Variants in RABGAP1L observed in about 807,000 individuals in gnomAD.
The protein encoded by RABGAP1L is RAB GTPase activating protein 1 like.
A neutral mutation model predicts 137.7 loss-of-function variants in RABGAP1L; 63 were observed. The ratio of observed to expected loss-of-function variants is 0.46; its 90% confidence interval spans 0.37 to 0.56. The LOEUF (loss-of-function observed/expected upper bound fraction) is 0.56, where lower values mean the gene tolerates loss of function less well. RABGAP1L is among the 20% of genes least tolerant of loss of function. RABGAP1L has a pLI of 0.00. For synonymous variants in RABGAP1L, 431 were observed against 433.7 expected (o/e 0.99, Z 0.08); for missense variants, 1,095 against 1,244.0 (o/e 0.88, Z 1.80).
At chr1:174,851,458 T>TTTCCCTCTTTCACATTATAGTC (rs71117582) in intron 19 of RABGAP1L, among the ~76,000 whole-genome samples, 24 of 152,148 alleles carry the variant, frequency 1.6e-4, no homozygotes, top group African/African-American at 5.8e-4. Flanking sequence ...TGTCTCAGTC[T>TTTCCCTCTTTCACATTATAGTC]TTAGAAGCAA....
chr1:174,229,846 A>T (rs1425131558), intron 3 of RABGAP1L, among the ~76,000 whole-genome samples: 1 of 152,142 alleles, frequency 6.6e-6, no homozygotes, highest in Non-Finnish European at 1.5e-5. Flanking sequence ...CGCCACACTG[A>T]CTTCCACAAT....
chr1:174,438,041 A>G (rs946371382), intron 13 of RABGAP1L, among the ~76,000 whole-genome samples: 15 of 152,254 alleles, frequency 9.9e-5, no homozygotes, highest in South Asian at 2.1e-4. Context: ...TCACCACCAG[A>G]CCTGCCCTAA....
chr1:174,652,442 C>G (rs1468466192), intron 14 of RABGAP1L, among the ~76,000 whole-genome samples: 1 of 152,182 alleles, frequency 6.6e-6, no homozygotes, highest in Non-Finnish European at 1.5e-5. Context: ...ATGGATTTAT[C>G]TATCTGTGGT....
intron 17 of RABGAP1L, among the ~76,000 whole-genome samples, chr1:174,713,508 C>T (rs1680752401): frequency 6.6e-6 from 1 of 152,116 alleles, no homozygotes; most frequent in African/African-American, 2.4e-5. Flanking sequence ...AGTTCTTATT[C>T]TGAGTTCATG....
chr1:174,509,988 C>A (rs1183874309), intron 13 of RABGAP1L, among the ~76,000 whole-genome samples: 1 of 152,172 alleles, frequency 6.6e-6, no homozygotes, highest in Non-Finnish European at 1.5e-5. Flanking sequence ...AGGAGTATAG[C>A]AGTTGCTCTT....
chr1:174,453,706 A>G (rs1655705445), intron 13 of RABGAP1L, among the ~76,000 whole-genome samples: 1 of 152,210 alleles, frequency 6.6e-6, no homozygotes, highest in Non-Finnish European at 1.5e-5. Flanking sequence ...GTAACCAAAT[A>G]CATAGATATT....
intron 21 of RABGAP1L, among the ~76,000 whole-genome samples, chr1:174,975,624 CA>C (rs1670577477): frequency 6.6e-6 from 1 of 152,204 alleles, no homozygotes; most frequent in African/African-American, 2.4e-5. Flanking sequence ...CTCTCTGAGT[CA>C]ACCCCCATTC....
At chr1:174,336,895 G>A (rs6660480) in intron 11 of RABGAP1L, among the ~76,000 whole-genome samples, 6 of 141,748 alleles carry the variant, frequency 4.2e-5, no homozygotes, top group East Asian at 2.1e-4. Context: ...GAGAGAGAGA[G>A]AGAAAGAGAG....
intron 13 of RABGAP1L, among the ~76,000 whole-genome samples, chr1:174,612,925 C>A (rs367989891): frequency 6.6e-6 from 1 of 151,254 alleles, no homozygotes; most frequent in Admixed American, 6.6e-5. Flanking sequence ...TTTTTTATTG[C>A]GTCTATTTGA....
intron 11 of RABGAP1L, among the ~76,000 whole-genome samples, chr1:174,314,172 T>C (rs1470385689): frequency 6.6e-6 from 1 of 152,190 alleles, no homozygotes; most frequent in East Asian, 1.9e-4. Context: ...TTCTTATTAT[T>C]GCTTCAATCT....
chr1:174,624,473 A>T (rs1191828840), intron 13 of RABGAP1L, among the ~76,000 whole-genome samples: 1 of 152,166 alleles, frequency 6.6e-6, no homozygotes, highest in South Asian at 2.1e-4. Context: ...AGATCCTATT[A>T]CAATGTCTTG....
rs2149402903 is a variant in RABGAP1L, at chr1:174,990,985, A to C, written c.*984A>C. 2.0e-5 allele frequency: 3 copies of C among 152,344 alleles called. 1 individual carries two copies. Among genetic ancestry groups the C allele is most frequent in the Middle Eastern group, 6.8e-3 (2 of 294 alleles). The allele number at this position is 152,344 out of a possible 1,614,324, so 9.4% of individuals were successfully genotyped here. On this transcript the variant is annotated 3_prime_UTR_variant, in exon 26 of 26. Coordinates refer to ENST00000681986, the MANE Select transcript of RABGAP1L (RefSeq NM_001366446.1). ...TAAAGGACATAGTATTGAAATGGGAAATAGAGGTCAGGCTCACATCATCTT... is the reference window on the plus strand; with the variant it reads ...TAAAGGACATAGTATTGAAATGGGACATAGAGGTCAGGCTCACATCATCTT...
chr1:174,826,671 G>A lies in RABGAP1L; in HGVS notation c.2340+14711G>A, dbSNP rs533781112. Reference sequence around the variant, plus strand: ...TCCTCTGCGTGTATACCCAGTAATGGGATTGCTGGTTCAAATAGTAATTCA... The same window carrying A: ...TCCTCTGCGTGTATACCCAGTAATGAGATTGCTGGTTCAAATAGTAATTCA... On this transcript the variant is annotated intron_variant, in intron 19 of 25. Coordinates refer to ENST00000681986, the MANE Select transcript of RABGAP1L (RefSeq NM_001366446.1). Among the ~76,000 whole-genome samples, 12 of 152,234 alleles carry A rather than the reference G, an allele frequency of 7.9e-5. 1 individual carries two copies. The South Asian group carries it at 2.5e-3, about 32-fold the overall frequency.
intron 1 of RABGAP1L, among the ~76,000 whole-genome samples, chr1:174,190,042 C>T (rs897638659): frequency 3.3e-5 from 5 of 152,066 alleles, no homozygotes; most frequent in African/African-American, 1.2e-4. Context: ...CAGTGGCTAA[C>T]GCCTGTAATC....
At chr1:174,214,205 A>C (rs1467925245) in intron 1 of RABGAP1L, among the ~76,000 whole-genome samples, 1 of 152,228 alleles carries the variant, frequency 6.6e-6, no homozygotes, top group Non-Finnish European at 1.5e-5. Context: ...ACAGTGAAAA[A>C]TATGAAATTG....
chr1:174,290,117 C>A (rs1032993375), intron 10 of RABGAP1L, among the ~76,000 whole-genome samples: 1 of 152,140 alleles, frequency 6.6e-6, no homozygotes, highest in Non-Finnish European at 1.5e-5. Flanking sequence ...AACCTAGACA[C>A]CCAGTACTGC....
chr1:174,703,454 G>A (rs564364719), intron 17 of RABGAP1L, among the ~76,000 whole-genome samples: 1 of 152,198 alleles, frequency 6.6e-6, no homozygotes, highest in South Asian at 2.1e-4. Context: ...TACATTGTAT[G>A]TACATACCAC....
intron 13 of RABGAP1L, among the ~76,000 whole-genome samples, chr1:174,566,326 T>C (rs1045505954): frequency 2.0e-5 from 3 of 152,158 alleles, no homozygotes; most frequent in Non-Finnish European, 2.9e-5. Context: ...TGTTTTAATT[T>C]CGTTTTTTCT....
At chr1:174,372,578 T>A (rs777900693) in intron 12 of RABGAP1L, among the ~76,000 whole-genome samples, 58 of 152,204 alleles carry the variant, frequency 3.8e-4, no homozygotes, top group Non-Finnish European at 7.1e-4. Context: ...CATTTAATTC[T>A]CTCTAGTTAT....
Sources: allele counts gnomAD v4.1 joint callset (sites outside exome capture counted in the v4.1 genomes callset), GRCh38; gene constraint gnomAD v4.1.1; transcripts MANE v1.5; gene names NCBI Gene and HGNC (gene_info 2026-07-23, HGNC 2026-07-21).